Variants in STRN observed in about 807,000 individuals in gnomAD.
The protein encoded by STRN is protein phosphatase 2 regulatory subunit B'''alpha.
In STRN, 53 loss-of-function variants were observed where a neutral mutation model predicts 96.3. The observed-to-expected ratio is 0.55, with a 90% CI of 0.44 to 0.69. STRN has a LOEUF of 0.69. STRN is among the 30% of genes least tolerant of loss of function. The probability of loss-of-function intolerance (pLI) is 0.00; values close to 1 mark genes in which losing one functional copy is unlikely to be tolerated. For synonymous variants in STRN, 428 were observed against 355.9 expected (o/e 1.20, Z -2.28); for missense variants, 987 against 963.9 (o/e 1.02, Z -0.32).
chr2:36,843,371 G>A lies in STRN; in HGVS notation c.*6085C>T, dbSNP rs771803137. ...TAATGTTGATTTGAAGGGGCAGGGA[G>A]TGTGGAAGGCTTGTGTATGTCTGTT... is the stretch of plus-strand genomic sequence containing the variant. On this transcript the variant is annotated 3_prime_UTR_variant, in exon 18 of 18. Transcript: ENST00000263918. Among the ~76,000 whole-genome samples, 1 of 152,236 alleles carries A rather than the reference G, an allele frequency of 6.6e-6. No individual in the cohort carries two copies. Among genetic ancestry groups the A allele is most frequent in the East Asian group, 1.9e-4 (1 of 5,184 alleles).
chr2:36,854,577 TATC>T (rs1413812993), intron 15 of STRN, among the ~76,000 whole-genome samples: 2 of 152,158 alleles, frequency 1.3e-5, no homozygotes, highest in South Asian at 2.1e-4. Flanking sequence ...ACACACAACA[TATC>T]ATCACTTTTA....
At chr2:36,855,189 C>G (rs750239375) in intron 15 of STRN, 23 bp downstream of exon 15, 1 of 1,605,168 alleles carries the variant, frequency 6.2e-7, no homozygotes, top group East Asian at 2.2e-5. Flanking sequence ...TAAACACAGA[C>G]AATTTAAAAT....
intron 7 of STRN, among the ~76,000 whole-genome samples, chr2:36,889,175 C>G (rs1240646840): frequency 6.6e-6 from 1 of 152,134 alleles, no homozygotes; most frequent in Non-Finnish European, 1.5e-5. Context: ...AAATAGAAAG[C>G]ACTTGATCAA....
chr2:36,917,482 C>G (rs1407080043), intron 2 of STRN, among the ~76,000 whole-genome samples: 1 of 149,508 alleles, frequency 6.7e-6, no homozygotes, highest in Non-Finnish European at 1.5e-5. Context: ...CAAGATCATG[C>G]CACTGCACTC....
At chr2:36,888,977 C>G (rs900583508) in intron 7 of STRN, among the ~76,000 whole-genome samples, 4 of 152,174 alleles carry the variant, frequency 2.6e-5, no homozygotes, top group Non-Finnish European at 5.9e-5. Context: ...AGCCACTGCA[C>G]CCAGCTAACC....
At chr2:36,877,224 A>G (rs1668937802) in intron 10 of STRN, among the ~76,000 whole-genome samples, 1 of 152,214 alleles carries the variant, frequency 6.6e-6, no homozygotes, top group African/African-American at 2.4e-5. Flanking sequence ...GATATTGACT[A>G]GTGTACTAAA....
In STRN at chr2:36,841,492, CAA is replaced by C. The variant is rs1283502468; in HGVS notation, c.*7962_*7963del. 6.6e-6 allele frequency: 1 copy of C among 152,000 alleles called. No individual in the cohort carries two copies. The highest frequency in any genetic ancestry group is 1.5e-5 in the Non-Finnish European group (1 of 67,996). The allele number at this position is 152,000 out of a possible 1,614,324, so 9.4% of individuals were successfully genotyped here. A position where few individuals can be genotyped will look rare whatever the true frequency, so the allele number is the denominator to read the frequency against. On this transcript the variant is annotated 3_prime_UTR_variant, in exon 18 of 18. Coordinates refer to ENST00000263918, the MANE Select transcript of STRN (RefSeq NM_003162.4). ...ATCACACTGAGTGATATTATTCTAT[CAA>C]GAGGATATTCTGAAATACGTGGGCT...
intron 13 of STRN, among the ~76,000 whole-genome samples, chr2:36,859,659 AAGTT>A (rs1324499506): frequency 6.6e-6 from 1 of 152,190 alleles, no homozygotes; most frequent in African/African-American, 2.4e-5. Context: ...ACACTGCAAA[AAGTT>A]AGGGTCTGGG....
At chr2:36,856,431 T>C (rs983984540) in intron 14 of STRN, among the ~76,000 whole-genome samples, 1 of 152,288 alleles carries the variant, frequency 6.6e-6, no homozygotes, top group South Asian at 2.1e-4. Context: ...AGACAAATTA[T>C]GGCTTAATGA....
intron 12 of STRN, among the ~76,000 whole-genome samples, chr2:36,864,448 G>A (rs992546804): frequency 2.6e-5 from 4 of 152,168 alleles, no homozygotes; most frequent in African/African-American, 9.7e-5. Flanking sequence ...TTCATGTGAT[G>A]AACCACATTT....
In STRN at chr2:36,843,379, G is replaced by A. The variant is rs1016079610; in HGVS notation, c.*6077C>T. On this transcript the variant is annotated 3_prime_UTR_variant, in exon 18 of 18. Coordinates refer to ENST00000263918, the MANE Select transcript of STRN (RefSeq NM_003162.4). ...ATTTGAAGGGGCAGGGAGTGTGGAA[G>A]GCTTGTGTATGTCTGTTAAGTAGCG... Among the ~76,000 whole-genome samples, 1 of 152,112 alleles carries A rather than the reference G, an allele frequency of 6.6e-6. No homozygotes were observed. Among genetic ancestry groups the A allele is most frequent in the Non-Finnish European group, 1.5e-5 (1 of 68,020 alleles).
chr2:36,922,354 C>G (rs1416102905), intron 2 of STRN, among the ~76,000 whole-genome samples: 2 of 151,552 alleles, frequency 1.3e-5, no homozygotes, highest in African/African-American at 4.9e-5. Flanking sequence ...CCCTGTCTCT[C>G]TAAAAAATTA....
At chr2:36,920,557 G>C (rs1670225817) in intron 2 of STRN, among the ~76,000 whole-genome samples, 1 of 150,722 alleles carries the variant, frequency 6.6e-6, no homozygotes, top group Admixed American at 6.6e-5. Context: ...ATAATCTCTT[G>C]AACTCGGGAG....
chr2:36,904,318 A>T (rs1669762638), intron 4 of STRN, among the ~76,000 whole-genome samples: 1 of 152,194 alleles, frequency 6.6e-6, no homozygotes. Flanking sequence ...CTATACATCC[A>T]CTTTGGAAAC....
chr2:36,880,546 C>T lies in STRN; in HGVS notation c.1187-2519G>A, dbSNP rs749715479. On this transcript the variant is annotated intron_variant, in intron 9 of 17. Coordinates refer to ENST00000263918, the MANE Select transcript of STRN (RefSeq NM_003162.4). ...CATAAATTAAGACATTATCAAACTACCATACAATACAGTAGCAAAAATAAA... is the reference window on the plus strand; with the variant it reads ...CATAAATTAAGACATTATCAAACTATCATACAATACAGTAGCAAAAATAAA... Among the ~76,000 whole-genome samples, 4 of 152,146 alleles carry T rather than the reference C, an allele frequency of 2.6e-5. No individual in the cohort carries two copies. In the East Asian group the frequency reaches 5.8e-4, roughly 22 times the overall value.
At chr2:36,928,611 C>T (rs1020876570) in intron 1 of STRN, among the ~76,000 whole-genome samples, 3 of 149,298 alleles carry the variant, frequency 2.0e-5, no homozygotes, top group Admixed American at 1.3e-4. Context: ...GAGATCACAC[C>T]ACTGCACTCC....
At chr2:36,922,205 C>T (rs569429367) in intron 2 of STRN, among the ~76,000 whole-genome samples, 2 of 152,176 alleles carry the variant, frequency 1.3e-5, no homozygotes, top group African/African-American at 4.8e-5. Flanking sequence ...TGCAACTCCT[C>T]TATTAGAGGT....
intron 6 of STRN, among the ~76,000 whole-genome samples, chr2:36,897,445 A>ATT (rs70946961): frequency 1.8e-3 from 264 of 149,802 alleles, no homozygotes; most frequent in Middle Eastern, 0.014. Context: ...ATATATATAT[A>ATT]TTTTTTTTTT....
chr2:36,867,002 T>A (rs766568147), intron 12 of STRN, among the ~76,000 whole-genome samples: 4 of 152,228 alleles, frequency 2.6e-5, no homozygotes, highest in Non-Finnish European at 4.4e-5. Context: ...TGCCTTTTAA[T>A]TGGGGCATTT....
Sources: gnomAD v4.1 joint callset for allele counts (sites outside exome capture counted in the v4.1 genomes callset) on GRCh38, gnomAD v4.1.1 for gene constraint, MANE v1.5 for transcripts, NCBI Gene and HGNC (gene_info 2026-07-23, HGNC 2026-07-21) for gene names.